Variants in ADD3 observed in about 807,000 individuals in gnomAD.
The protein encoded by ADD3 is adducin 3.
A neutral mutation model predicts 80.2 loss-of-function variants in ADD3; 25 were observed. That is an observed-to-expected ratio of 0.31 (90% CI 0.23 to 0.44). The LOEUF (loss-of-function observed/expected upper bound fraction) is 0.44. ADD3 is among the 20% of genes least tolerant of loss of function. The pLI is 1.00. For missense variants in ADD3, 829 were observed against 847.5 expected (o/e 0.98, Z 0.27); for synonymous variants, 284 against 289.6 (o/e 0.98, Z 0.20).
chr10:110,053,158 A>G (rs750900709), intron 1 of ADD3, among the ~76,000 whole-genome samples: 76 of 152,152 alleles, frequency 5.0e-4, no homozygotes, highest in Non-Finnish European at 9.4e-4. Context: ...GAATGGGGAA[A>G]AATCAACTGA....
chr10:110,124,370 A>G (rs1590229234), intron 10 of ADD3, 96 bp downstream of exon 10: 2 of 1,380,468 alleles, frequency 1.4e-6, no homozygotes, highest in Non-Finnish European at 2.0e-6. Context: ...GGAAAGTAAA[A>G]TAATATTAAA....
At chr10:110,076,206 G>A (rs925564143) in intron 1 of ADD3, among the ~76,000 whole-genome samples, 4 of 151,990 alleles carry the variant, frequency 2.6e-5, no homozygotes, top group South Asian at 2.1e-4. Flanking sequence ...CTGAATATGC[G>A]TATACAGAAA....
At position 110,028,874 on chromosome 10, in the gene ADD3, C is replaced by T. The variant is rs540932991; in HGVS notation, c.-30+20575C>T. On this transcript the variant is annotated intron_variant, in intron 1 of 14. Coordinates refer to ENST00000356080, the MANE Select transcript of ADD3 (RefSeq NM_016824.5). ...TTCCCTACATATGATACAAATTCAT[C>T]ACTTTCCTTTTTTTTTTTTTTTGAA... Among the ~76,000 whole-genome samples, 13 of 150,844 alleles carry T rather than the reference C, an allele frequency of 8.6e-5. No homozygotes were observed. In the East Asian group the frequency reaches 2.5e-3, roughly 29 times the overall value.
chr10:110,007,619 G>A (rs1851757520), upstream of ADD3, among the ~76,000 whole-genome samples: 2 of 152,186 alleles, frequency 1.3e-5, no homozygotes, highest in Admixed American at 6.5e-5. Context: ...GTCAGAAGAG[G>A]ACGTTGAAAA....
intron 4 of ADD3, 37 bp downstream of exon 4, chr10:110,116,447 T>C: frequency 1.9e-6 from 3 of 1,608,540 alleles, no homozygotes; most frequent in Non-Finnish European, 2.5e-6. Flanking sequence ...TTTTAAAAAA[T>C]TCCAGCTAGA....
chr10:110,062,200 TAAAAAAAAAAAAA>T (rs57540485), intron 1 of ADD3, among the ~76,000 whole-genome samples: 44 of 35,234 alleles, frequency 1.2e-3, no homozygotes, highest in African/African-American at 3.5e-3. Flanking sequence ...CTGTCTCTAC[TAAAAAAAAAAAAA>T]AAAAAAAAAA....
chr10:110,119,115 G>C (rs1433467883), intron 6 of ADD3, 96 bp from the exon 7 acceptor site: 1 of 1,332,854 alleles, frequency 7.5e-7, no homozygotes, highest in East Asian at 2.3e-5. Flanking sequence ...ACAGTGAATA[G>C]GCCAGTGTTT....
chr10:110,131,925 T>C (rs1162209256), intron 13 of ADD3, among the ~76,000 whole-genome samples: 2 of 152,272 alleles, frequency 1.3e-5, no homozygotes, highest in African/African-American at 4.8e-5. Context: ...TCAAAAATTC[T>C]GTGAAGCATT....
Position 110,045,223 on chromosome 10 carries a change from G to A in ADD3, c.-30+36924G>A, listed in dbSNP as rs531906392. Among the ~76,000 whole-genome samples, 12 of 152,204 alleles carry A rather than the reference G, an allele frequency of 7.9e-5. No homozygotes were observed. The East Asian group carries it at 1.9e-3, about 24-fold the overall frequency. The stretch of plus-strand genomic sequence containing the variant: ...ACAAAAATTAGCTGGGCATGGTGGC[G>A]TGCGCCTGTAGTCCCAGCTACTTGG... On this transcript the variant is annotated intron_variant, in intron 1 of 14. Transcript: ENST00000356080.
In ADD3 at chr10:110,133,527, C is replaced by T; in HGVS notation, c.2030C>T (p.Ser677Phe). Reference sequence around the variant, plus strand: ...GAAGAAGTCCTGTCACCTGAAGGCTCCCCTTCAAAATCGCCATCCAAGAAA... The same window carrying T: ...GAAGAAGTCCTGTCACCTGAAGGCTTCCCTTCAAAATCGCCATCCAAGAAA... ...KIEEVLSPEG[S>F]PSKSPSKKKK... The change falls in exon 15 of 15, where the codon TCC becomes TTC. Residue 677 changes from serine to phenylalanine, a missense_variant. Transcript: ENST00000356080. 6.2e-7 allele frequency: 1 copy of T among 1,612,622 alleles called. No individual in the cohort carries two copies. Among genetic ancestry groups the T allele is most frequent in the Non-Finnish European group, 8.5e-7 (1 of 1,179,346 alleles).
At chr10:110,078,835 C>G (rs1195848525) in intron 1 of ADD3, among the ~76,000 whole-genome samples, 1 of 152,146 alleles carries the variant, frequency 6.6e-6, no homozygotes, top group South Asian at 2.1e-4. Flanking sequence ...AGTTAAACTT[C>G]GACTTTTACA....
intron 1 of ADD3, among the ~76,000 whole-genome samples, chr10:110,031,842 G>C (rs766371847): frequency 6.6e-6 from 1 of 150,914 alleles, no homozygotes; most frequent in Non-Finnish European, 1.5e-5. Flanking sequence ...AGAACATAAG[G>C]TTTTAGAATA....
At chr10:110,116,445 A>C in intron 4 of ADD3, 35 bp downstream of exon 4, 1 of 1,609,044 alleles carries the variant, frequency 6.2e-7, no homozygotes, top group Non-Finnish European at 8.5e-7. Flanking sequence ...TTTTTTAAAA[A>C]ATTCCAGCTA....
chr10:110,079,636 A>G (rs1209129091), intron 1 of ADD3, among the ~76,000 whole-genome samples: 1 of 151,732 alleles, frequency 6.6e-6, no homozygotes, highest in African/African-American at 2.4e-5. Flanking sequence ...GCTCACTGCA[A>G]CCTCTGCCTT....
chr10:110,006,858 G>A (rs1851675171), upstream of ADD3, among the ~76,000 whole-genome samples: 1 of 152,086 alleles, frequency 6.6e-6, no homozygotes, highest in African/African-American at 2.4e-5. Context: ...GGAAACGAAG[G>A]GGGATAAGGG....
chr10:110,100,014 T>C (rs563829153), intron 1 of ADD3, among the ~76,000 whole-genome samples: 3 of 152,230 alleles, frequency 2.0e-5, no homozygotes, highest in African/African-American at 7.2e-5. Flanking sequence ...CAGAGGCTCA[T>C]GCCTGTAATC....
intron 1 of ADD3, among the ~76,000 whole-genome samples, chr10:110,074,029 A>G (rs1260301470): frequency 6.6e-6 from 1 of 152,118 alleles, no homozygotes; most frequent in African/African-American, 2.4e-5. Flanking sequence ...AGCAAAGCTC[A>G]TCTCTGTGGC....
intron 1 of ADD3, among the ~76,000 whole-genome samples, chr10:110,023,404 C>T (rs1853916526): frequency 1.3e-5 from 2 of 152,134 alleles, no homozygotes; most frequent in South Asian, 4.1e-4. Context: ...ATGTTTGTTG[C>T]TATATTATAA....
intron 12 of ADD3, among the ~76,000 whole-genome samples, chr10:110,128,220 T>C (rs1212920290): frequency 6.6e-6 from 1 of 151,904 alleles, no homozygotes; most frequent in African/African-American, 2.4e-5. Context: ...AAAGTGTTTC[T>C]TCAAGAGTGT....
Sources: allele counts gnomAD v4.1 joint callset (sites outside exome capture counted in the v4.1 genomes callset), GRCh38; gene constraint gnomAD v4.1.1; transcripts MANE v1.5; gene names NCBI Gene and HGNC (gene_info 2026-07-23, HGNC 2026-07-21).